Variants in DPP10 observed in about 807,000 individuals in gnomAD.
The protein encoded by DPP10 is inactive dipeptidyl peptidase 10.
DPP10 carries 33 observed loss-of-function variants against 120.9 expected under a neutral mutation model. The observed-to-expected ratio is 0.27, with a 90% CI of 0.21 to 0.37. The LOEUF is 0.37. Among genes scored for constraint, DPP10 ranks in the 10% least tolerant of loss-of-function variants. DPP10 has a pLI of 1.00. For synonymous variants in DPP10, 337 were observed against 326.1 expected (o/e 1.03, Z -0.36); for missense variants, 816 against 942.8 (o/e 0.87, Z 1.76).
At chr2:115,620,675 A>G (rs894317588) in intron 5 of DPP10, among the ~76,000 whole-genome samples, 4 of 152,222 alleles carry the variant, frequency 2.6e-5, no homozygotes, top group African/African-American at 9.7e-5. Flanking sequence ...TATGGGGTAC[A>G]AGATTAGTAA....
At chr2:114,639,300 C>A (rs1422334459) in intron 1 of DPP10, among the ~76,000 whole-genome samples, 1 of 151,864 alleles carries the variant, frequency 6.6e-6, no homozygotes, top group Non-Finnish European at 1.5e-5. Context: ...TACTCCCCAT[C>A]GTGAAAACAG....
At chr2:115,734,037 T>C (rs916029402) in intron 8 of DPP10, among the ~76,000 whole-genome samples, 1 of 152,228 alleles carries the variant, frequency 6.6e-6, no homozygotes, top group African/African-American at 2.4e-5. Flanking sequence ...AAATGCATAT[T>C]AAAGATTATT....
At position 114,517,159 on chromosome 2, in the gene DPP10, A is replaced by G. The variant is rs567814588; in HGVS notation, c.60+74321A>G. ...GTAATAACTGAATCTTTAGGGTTTG[A>G]AGAAGCTGACCTTTCTTTAAGAGAT... On this transcript the variant is annotated intron_variant, in intron 1 of 25. Coordinates refer to ENST00000410059, the MANE Select transcript of DPP10 (RefSeq NM_020868.6). Among the ~76,000 whole-genome samples, 3 of 152,324 alleles carry G rather than the reference A, an allele frequency of 2.0e-5. No individual in the cohort carries two copies. The East Asian group carries it at 5.8e-4, about 29-fold the overall frequency.
At position 114,834,461 on chromosome 2, in the gene DPP10, G is replaced by A. The variant is rs144200644; in HGVS notation, c.60+391623G>A. Among the ~76,000 whole-genome samples, 234 of 150,846 alleles carry A rather than the reference G, an allele frequency of 1.6e-3. 2 individuals are homozygous for A. The highest frequency in any genetic ancestry group is 5.5e-3 in the African/African-American group (224 of 41,060). ...TATCTACACACCTATGTACATATCA[G>A]CCATATCTACACACCTATGTATATA... On this transcript the variant is annotated intron_variant, in intron 1 of 25. Coordinates refer to ENST00000410059, the MANE Select transcript of DPP10 (RefSeq NM_020868.6).
At chr2:115,183,874 A>G (rs923628641) in intron 1 of DPP10, among the ~76,000 whole-genome samples, 4 of 152,166 alleles carry the variant, frequency 2.6e-5, no homozygotes, top group South Asian at 2.1e-4. Flanking sequence ...AGGGGAATCC[A>G]GAGGACAGGA....
intron 1 of DPP10, among the ~76,000 whole-genome samples, chr2:115,171,217 C>T (rs1204584580): frequency 2.0e-5 from 3 of 151,834 alleles, no homozygotes; most frequent in Non-Finnish European, 2.9e-5. Context: ...AAAAATTAGC[C>T]AGGTGTGGTG....
intron 1 of DPP10, among the ~76,000 whole-genome samples, chr2:114,933,663 A>G (rs1359638367): frequency 6.6e-6 from 1 of 152,234 alleles, no homozygotes; most frequent in Non-Finnish European, 1.5e-5. Flanking sequence ...AATAAAAAGT[A>G]TCAAAGGGTG....
At chr2:115,082,983 C>A (rs552551382) in intron 1 of DPP10, among the ~76,000 whole-genome samples, 2 of 152,300 alleles carry the variant, frequency 1.3e-5, no homozygotes, top group African/African-American at 4.8e-5. Context: ...AATCAATGAG[C>A]ATTTTTCAGT....
At chr2:115,771,116 C>G (rs1031614980) in intron 13 of DPP10, among the ~76,000 whole-genome samples, 3 of 151,370 alleles carry the variant, frequency 2.0e-5, no homozygotes, top group African/African-American at 7.3e-5. Flanking sequence ...AGTTTGTTGC[C>G]CAGGCTAGAA....
intron 1 of DPP10, among the ~76,000 whole-genome samples, chr2:115,165,719 G>A (rs1006447979): frequency 2.0e-5 from 3 of 152,042 alleles, no homozygotes; most frequent in Non-Finnish European, 2.9e-5. Flanking sequence ...CCACCAGGTG[G>A]CACCCTTCTG....
At chr2:114,443,584 C>G (rs1677777170) in intron 1 of DPP10, among the ~76,000 whole-genome samples, 1 of 151,946 alleles carries the variant, frequency 6.6e-6, no homozygotes. Flanking sequence ...TTATAAACGA[C>G]CAGACTTCCA....
At chr2:114,487,419 C>T (rs150703985) in intron 1 of DPP10, among the ~76,000 whole-genome samples, 2 of 152,252 alleles carry the variant, frequency 1.3e-5, no homozygotes, top group East Asian at 1.9e-4. Context: ...AATTTTAATA[C>T]ACTCTTCCTA....
At chr2:115,715,577 A>C (rs1421612322) in intron 7 of DPP10, among the ~76,000 whole-genome samples, 1 of 152,042 alleles carries the variant, frequency 6.6e-6, no homozygotes, top group Non-Finnish European at 1.5e-5. Flanking sequence ...TATCCTTCTC[A>C]TGTTAAATTG....
At chr2:114,818,105 A>G (rs1685787665) in intron 1 of DPP10, among the ~76,000 whole-genome samples, 1 of 152,172 alleles carries the variant, frequency 6.6e-6, no homozygotes, top group Non-Finnish European at 1.5e-5. Context: ...ATAACATTGA[A>G]TCTTCATTAC....
intron 1 of DPP10, among the ~76,000 whole-genome samples, chr2:114,686,997 A>G (rs1699414463): frequency 6.6e-6 from 1 of 151,982 alleles, no homozygotes; most frequent in African/African-American, 2.4e-5. Flanking sequence ...TATGAACAAA[A>G]TCTATATGTT....
intron 1 of DPP10, among the ~76,000 whole-genome samples, chr2:114,961,508 T>A (rs1371970396): frequency 6.6e-6 from 1 of 152,074 alleles, no homozygotes; most frequent in Non-Finnish European, 1.5e-5. Context: ...GAAATAATTG[T>A]ATGGAAATAA....
chr2:115,760,320 A>G lies in DPP10; in HGVS notation c.1075-2252A>G, dbSNP rs749233086. ...TGGAAGAAACCTCACACTACAGAGT[A>G]CATAATAGGTATGTAATGCATGATT... On this transcript the variant is annotated intron_variant, in intron 11 of 25. Coordinates refer to ENST00000410059, the MANE Select transcript of DPP10 (RefSeq NM_020868.6). 7.9e-4 allele frequency among the ~76,000 whole-genome samples: 120 copies of G among 152,340 alleles called. 2 individuals carry two copies. Among genetic ancestry groups the G allele is most frequent in the Non-Finnish European group, 1.1e-3 (74 of 68,030 alleles).
At chr2:115,105,569 G>A (rs568701794) in intron 1 of DPP10, among the ~76,000 whole-genome samples, 4 of 152,074 alleles carry the variant, frequency 2.6e-5, no homozygotes, top group Non-Finnish European at 5.9e-5. Context: ...AGTCTGCCCC[G>A]ATGACCCAGA....
intron 3 of DPP10, among the ~76,000 whole-genome samples, chr2:115,476,933 T>C (rs574109401): frequency 4.9e-5 from 2 of 41,110 alleles, no homozygotes; most frequent in East Asian, 9.4e-4. Flanking sequence ...TCACAATTGA[T>C]ACAGAAAAAA....
Sources: allele counts gnomAD v4.1 joint callset (sites outside exome capture counted in the v4.1 genomes callset), GRCh38; gene constraint gnomAD v4.1.1; transcripts MANE v1.5; gene names NCBI Gene and HGNC (gene_info 2026-07-23, HGNC 2026-07-21).